Variants in NPSR1 observed in about 807,000 individuals in gnomAD.
NPSR1 encodes the protein neuropeptide S receptor.
A neutral mutation model predicts 46.9 loss-of-function variants in NPSR1; 48 were observed. The observed-to-expected ratio is 1.02, with a 90% confidence interval of 0.81 to 1.30. The LOEUF is 1.30. NPSR1 is among the 50% of genes most tolerant of loss of function. NPSR1 has a pLI of 0.00. For synonymous variants in NPSR1, 176 were observed against 168.1 expected, an observed-to-expected ratio of 1.05 and a Z score of -0.36; for missense variants, 450 against 449.5, an observed-to-expected ratio of 1.00 and a Z score of -0.01.
chr7:34,809,105 G>A (rs1017960008), intron 3 of NPSR1, among the ~76,000 whole-genome samples: 1 of 151,992 alleles, frequency 6.6e-6, no homozygotes, highest in Non-Finnish European at 1.5e-5. Flanking sequence ...ACTCCACAGG[G>A]TTCTGCCATT....
intron 4 of NPSR1, among the ~76,000 whole-genome samples, chr7:34,820,358 C>A (rs192682216): frequency 3.5e-4 from 53 of 152,150 alleles, no homozygotes; most frequent in African/African-American, 1.2e-3. Context: ...TCTTCTCGGT[C>A]ATTTGGTGTG....
chr7:34,733,142 C>T (rs140455483), intron 2 of NPSR1, among the ~76,000 whole-genome samples: 1 of 152,274 alleles, frequency 6.6e-6, no homozygotes, highest in East Asian at 1.9e-4. Context: ...TCCATGCAGG[C>T]CAGGTGCAGT....
intron 3 of NPSR1, among the ~76,000 whole-genome samples, chr7:34,794,749 T>C (rs1788096900): frequency 6.6e-6 from 1 of 152,098 alleles, no homozygotes; most frequent in African/African-American, 2.4e-5. Context: ...AAAAAACACA[T>C]CAATATATCT....
At chr7:34,728,054 A>C (rs1450306898) in intron 2 of NPSR1, among the ~76,000 whole-genome samples, 1 of 146,840 alleles carries the variant, frequency 6.8e-6, no homozygotes, top group African/African-American at 2.5e-5. Context: ...AACTGCCTTT[A>C]TTTTTTTTTT....
chr7:34,676,184 G>T (rs943782873), intron 1 of NPSR1, among the ~76,000 whole-genome samples: 3 of 152,128 alleles, frequency 2.0e-5, no homozygotes, highest in African/African-American at 7.2e-5. Context: ...CCTAAGGGAG[G>T]AGATAAACCA....
intron 2 of NPSR1, among the ~76,000 whole-genome samples, chr7:34,746,361 A>T (rs1356051385): frequency 6.6e-6 from 1 of 152,216 alleles, no homozygotes; most frequent in African/African-American, 2.4e-5. Context: ...CATAACTTTT[A>T]TTACAGCATA....
intron 8 of NPSR1, among the ~76,000 whole-genome samples, chr7:34,875,577 C>G (rs548289956): frequency 3.9e-5 from 6 of 152,236 alleles, no homozygotes; most frequent in South Asian, 2.1e-4. Context: ...TGTGAGGCAA[C>G]GAATCAAGCG....
intron 8 of NPSR1, among the ~76,000 whole-genome samples, chr7:34,867,291 G>A (rs1791335045): frequency 6.6e-6 from 1 of 151,884 alleles, no homozygotes; most frequent in Non-Finnish European, 1.5e-5. Flanking sequence ...TGGAGAAGAT[G>A]GCAAAGTGGC....
At chr7:34,713,971 C>T (rs1207750437) in intron 2 of NPSR1, among the ~76,000 whole-genome samples, 2 of 152,230 alleles carry the variant, frequency 1.3e-5, no homozygotes, top group Non-Finnish European at 2.9e-5. Flanking sequence ...TGGCTTAAAA[C>T]ATCAGTTTAT....
rs565488808 is a variant in NPSR1 at position 34,818,821 on chromosome 7, C to G, written c.478+6958C>G. Among the ~76,000 whole-genome samples, 23 of 152,148 alleles carry G rather than the reference C, an allele frequency of 1.5e-4. No homozygotes were observed. The East Asian group carries it at 2.5e-3, about 17-fold the overall frequency. On this transcript the variant is annotated intron_variant, in intron 4 of 8. Coordinates refer to ENST00000360581, the MANE Select transcript of NPSR1 (RefSeq NM_207172.2). ...CTGACAAAAACAAGAAATGGGGAAA[C>G]GATTCCCTATTTAATAAATGGTGCT... is the stretch of plus-strand genomic sequence containing the variant.
chr7:34,686,588 T>C lies in NPSR1; in HGVS notation c.280+1904T>C, dbSNP rs1054199436. ...TCCTCCTTAAGATTTCTTCAAATTC[T>C]GTGGAATTTATATTTTTACTTCTCT... is the stretch of plus-strand genomic sequence containing the variant. On this transcript the variant is annotated intron_variant, in intron 2 of 8. Coordinates refer to ENST00000360581, the MANE Select transcript of NPSR1 (RefSeq NM_207172.2). 1.2e-4 allele frequency among the ~76,000 whole-genome samples: 19 copies of C among 152,270 alleles called. 1 individual carries two copies. In the Middle Eastern group the frequency reaches 0.014, roughly 109 times the overall value.
chr7:34,747,129 C>CAAAAAAAAAA (rs5883471), intron 2 of NPSR1, among the ~76,000 whole-genome samples: 10 of 106,836 alleles, frequency 9.4e-5, no homozygotes, highest in African/African-American at 1.5e-4. Context: ...ACCAAAAAAA[C>CAAAAAAAAAA]AAAAAAAAAA....
intron 3 of NPSR1, among the ~76,000 whole-genome samples, chr7:34,788,816 C>T (rs995425539): frequency 6.6e-6 from 1 of 151,938 alleles, no homozygotes; most frequent in Admixed American, 6.6e-5. Flanking sequence ...ACCTAATAGA[C>T]ACATATAGAA....
intron 8 of NPSR1, among the ~76,000 whole-genome samples, chr7:34,859,857 C>A (rs1041025772): frequency 2.6e-5 from 4 of 151,736 alleles, no homozygotes; most frequent in African/African-American, 9.8e-5. Flanking sequence ...CTTCAATGGG[C>A]TGGTACTTAG....
intron 1 of NPSR1, among the ~76,000 whole-genome samples, chr7:34,682,171 T>C (rs1364457365): frequency 6.6e-6 from 1 of 152,148 alleles, no homozygotes; most frequent in African/African-American, 2.4e-5. Context: ...ACTCAGAATG[T>C]TAACAAGGAA....
At chr7:34,738,630 T>A (rs865944162) in intron 2 of NPSR1, among the ~76,000 whole-genome samples, 1 of 152,344 alleles carries the variant, frequency 6.6e-6, no homozygotes, top group African/African-American at 2.4e-5. Context: ...TCCTTTCTAT[T>A]ATATTTGGGG....
At chr7:34,777,379 C>T (rs369496068) in intron 2 of NPSR1, among the ~76,000 whole-genome samples, 1 of 152,184 alleles carries the variant, frequency 6.6e-6, no homozygotes, top group East Asian at 1.9e-4. Flanking sequence ...AAGTTCAATG[C>T]CTCACAATTG....
chr7:34,805,330 C>T (rs1481168958), intron 3 of NPSR1, among the ~76,000 whole-genome samples: 3 of 151,480 alleles, frequency 2.0e-5, no homozygotes, highest in Non-Finnish European at 3.0e-5. Context: ...AAAGAATCAA[C>T]AAGTAGATTG....
chr7:34,786,530 A>G (rs1433409820), intron 3 of NPSR1, among the ~76,000 whole-genome samples: 4 of 152,202 alleles, frequency 2.6e-5, no homozygotes, highest in South Asian at 2.1e-4. Flanking sequence ...TCTTAATGAC[A>G]TCTAAGTAGT....
Sources: allele counts gnomAD v4.1 joint callset (sites outside exome capture counted in the v4.1 genomes callset), GRCh38; gene constraint gnomAD v4.1.1; transcripts MANE v1.5; gene names NCBI Gene and HGNC (gene_info 2026-07-23, HGNC 2026-07-21).